OSTC: variants seen among roughly 807,000 people sequenced by gnomAD.
OSTC encodes oligosaccharyltransferase complex subunit OSTC.
In OSTC, 16 loss-of-function variants were observed where a neutral mutation model predicts 16.4. That is an observed-to-expected ratio of 0.98 (90% confidence interval 0.66 to 1.49). The LOEUF is 1.49. Ranked by LOEUF, OSTC falls within the 40% of genes most tolerant of loss-of-function variation. The pLI is 0.00. For missense variants in OSTC, 139 were observed against 186.3 expected (o/e 0.75, Z 1.48); for synonymous variants, 67 against 68.5 (o/e 0.98, Z 0.11).
At chr4:108,653,356 A>G (rs749719517) in intron 1 of OSTC, among the ~76,000 whole-genome samples, 2 of 152,256 alleles carry the variant, frequency 1.3e-5, no homozygotes, top group Non-Finnish European at 2.9e-5. Flanking sequence ...TGAGGAAATG[A>G]TATGTAAGCC....
intron 3 of OSTC, among the ~76,000 whole-genome samples, chr4:108,658,007 C>CTGCAACCT (rs1560623721): frequency 2.1e-5 from 3 of 142,524 alleles, no homozygotes; most frequent in African/African-American, 7.9e-5. Flanking sequence ...TCTTGGCTCA[C>CTGCAACCT]TGCAACCTCT....
At chr4:108,660,483 T>C (rs370339544) in intron 3 of OSTC, among the ~76,000 whole-genome samples, 1 of 152,188 alleles carries the variant, frequency 6.6e-6, no homozygotes, top group East Asian at 1.9e-4. Context: ...TGTTGGCCTG[T>C]ATTACACACA....
chr4:108,662,249 T>C (rs559336912), intron 3 of OSTC, among the ~76,000 whole-genome samples: 1 of 152,332 alleles, frequency 6.6e-6, no homozygotes, highest in East Asian at 1.9e-4. Flanking sequence ...ATGAATGTAA[T>C]AATATTTAAA....
At chr4:108,653,223 C>G (rs751654067) in intron 1 of OSTC, among the ~76,000 whole-genome samples, 7 of 152,130 alleles carry the variant, frequency 4.6e-5, no homozygotes, top group Non-Finnish European at 1.0e-4. Context: ...AGACCCGACC[C>G]TCTCTCAAAA....
rs766585998 is a variant in OSTC at position 108,658,971 on chromosome 4, C to CTTTTTTTT, written c.431+1342_431+1349dup. Among the ~76,000 whole-genome samples the CTTTTTTTT allele has an allele frequency of 2.1e-4, 18 of 83,894 alleles. 1 individual carries two copies. Among genetic ancestry groups the CTTTTTTTT allele is most frequent in the African/African-American group, 6.4e-4 (12 of 18,886 alleles). The allele number at this position is 83,894 out of a possible 152,430, so 55.0% of individuals were successfully genotyped here. A position where few individuals can be genotyped will look rare whatever the true frequency, so the allele number is the denominator to read the frequency against. ...TGCTCAGTTTCCTCTGGCAGCAGCT[C>CTTTTTTTT]TTTTTTTTTTTTTTTTTTTTTTTTT... On this transcript the variant is annotated intron_variant, in intron 3 of 3. Transcript: ENST00000361564.
rs565975123 is a variant in OSTC at position 108,658,379 on chromosome 4, G to A, written c.431+732G>A. Among the ~76,000 whole-genome samples, 5 of 151,958 alleles carry A rather than the reference G, an allele frequency of 3.3e-5. No individual in the cohort carries two copies. In the South Asian group the frequency reaches 1.0e-3, roughly 32 times the overall value. ...ACCCATTATGCCTTGTAAGGGAAAA[G>A]AGAGTTATTGCCCTTCAAAAAGATA... On this transcript the variant is annotated intron_variant, in intron 3 of 3. Transcript: ENST00000361564.
chr4:108,655,768 C>T, intron 2 of OSTC, 111 bp downstream of exon 2: 1 of 718,950 alleles, frequency 1.4e-6, no homozygotes, highest in Non-Finnish European at 2.3e-6. Context: ...ATTTAGACAA[C>T]AGCTGTTTTA....
At chr4:108,662,476 C>A (rs1578342155) in intron 3 of OSTC, among the ~76,000 whole-genome samples, 1 of 152,326 alleles carries the variant, frequency 6.6e-6, no homozygotes, top group South Asian at 2.1e-4. Flanking sequence ...TTAACCTTCT[C>A]CACTGAGGTC....
At chr4:108,656,837 C>T (rs1244782555) in intron 2 of OSTC, among the ~76,000 whole-genome samples, 2 of 152,150 alleles carry the variant, frequency 1.3e-5, no homozygotes, top group African/African-American at 2.4e-5. Context: ...CAGTGGCTCA[C>T]GCCTGTAATC....
In OSTC at chr4:108,660,036, A is replaced by G. The variant is rs1235778247; in HGVS notation, c.431+2389A>G. ...TAATAGAGCTATCTGCTACTGACAGAAAAGCTTTGACAAGTGTTTAATACT... is the reference window on the plus strand; with the variant it reads ...TAATAGAGCTATCTGCTACTGACAGGAAAGCTTTGACAAGTGTTTAATACT... On this transcript the variant is annotated intron_variant, in intron 3 of 3. Coordinates refer to ENST00000361564, the MANE Select transcript of OSTC (RefSeq NM_021227.4). 2.6e-5 allele frequency among the ~76,000 whole-genome samples: 4 copies of G among 152,224 alleles called. No individual in the cohort carries two copies. In the East Asian group the frequency reaches 5.8e-4, roughly 22 times the overall value.
At chr4:108,651,472 A>T (rs893848785) in intron 1 of OSTC, 2 of 152,370 alleles carry the variant, frequency 1.3e-5, no homozygotes, top group African/African-American at 4.8e-5. Flanking sequence ...TAGCATTACT[A>T]TTAAACGCTT....
intron 3 of OSTC, 103 bp downstream of exon 3, chr4:108,657,750 G>T: frequency 9.2e-7 from 1 of 1,085,018 alleles, no homozygotes; most frequent in Non-Finnish European, 1.3e-6. Flanking sequence ...CATTTACATG[G>T]GTGAAAAATC....
In OSTC at chr4:108,655,663, A is replaced by C; in HGVS notation, c.233+6A>C. 1.3e-6 allele frequency: 2 copies of C among 1,583,680 alleles called. No homozygotes were observed. The highest frequency in any genetic ancestry group is 1.7e-6 in the Non-Finnish European group (2 of 1,153,246). ...GTAGCTTTCTTGGCCTACAGGTAAA[A>C]GATACCTTTTTGAATGATTTGGTGG... On this transcript the variant is annotated splice_donor_region_variant and intron_variant, in intron 2 of 3. Coordinates refer to ENST00000361564, the MANE Select transcript of OSTC (RefSeq NM_021227.4).
chr4:108,664,390 G>A (rs1223052367), intron 3 of OSTC, among the ~76,000 whole-genome samples: 1 of 151,924 alleles, frequency 6.6e-6, no homozygotes, highest in Non-Finnish European at 1.5e-5. Flanking sequence ...TTGTTTCATA[G>A]TGTAAGCTAG....
rs200078861 is a variant in OSTC, at chr4:108,650,613, C to T, written c.-43C>T. 27 of 1,607,156 alleles carry T rather than the reference C, an allele frequency of 1.7e-5. No homozygotes were observed. The East Asian group carries it at 4.5e-4, about 27-fold the overall frequency. The stretch of plus-strand genomic sequence containing the variant: ...GGAGGGCGGGCCTGTTTCCGGGAGG[C>T]GCGTGGGGCTTGAGGCCGAGAACGG... On this transcript the variant is annotated 5_prime_UTR_variant, in exon 1 of 4. Transcript: ENST00000361564.
chr4:108,653,835 C>T (rs764026228), intron 1 of OSTC, among the ~76,000 whole-genome samples: 1 of 152,134 alleles, frequency 6.6e-6, no homozygotes, highest in Non-Finnish European at 1.5e-5. Context: ...AGTCTCTGTT[C>T]TTGAGGAGCT....
chr4:108,657,568 T>G lies in OSTC; in HGVS notation c.352T>G (p.Phe118Val), dbSNP rs1726742527. Residue 118 changes from phenylalanine (F) to valine (V), a missense_variant, in exon 3 of 4, where the codon TTC becomes GTC. Physicochemically the swap from Phe to Val is conservative, Grantham distance 50 (BLOSUM62 -1). Transcript: ENST00000361564. ...NAPNIPKLNR[F>V]LLLFIGFVCV... ...ACCAAATATCCCAAAACTCAATAGA[T>G]TCCTTCTTCTGTTCATTGGATTCGT... 4 of 1,613,632 alleles carry G rather than the reference T, an allele frequency of 2.5e-6. No homozygotes were observed. In the African/African-American group the frequency reaches 5.3e-5, roughly 22 times the overall value.
intron 3 of OSTC, among the ~76,000 whole-genome samples, chr4:108,663,628 T>C (rs1007267027): frequency 6.7e-6 from 1 of 149,732 alleles, no homozygotes; most frequent in African/African-American, 2.4e-5. Context: ...TTTTCTGGCC[T>C]TGTGATTTTT....
At position 108,650,683 on chromosome 4, in the gene OSTC, T is replaced by G; in HGVS notation, c.28T>G (p.Leu10Val). METLYRVPF[L>V]VLECPNLKLK... ...GGAGACTTTGTACCGTGTCCCGTTCTTAGTGCTCGAATGTCCCAACCTGAA... is the reference window on the plus strand; with the variant it reads ...GGAGACTTTGTACCGTGTCCCGTTCGTAGTGCTCGAATGTCCCAACCTGAA... The change falls in exon 1 of 4, where the codon TTA (leucine) becomes GTA (valine). Residue 10 changes from leucine to valine, a missense_variant. Physicochemically the swap from Leu to Val is conservative, Grantham distance 32. Coordinates refer to ENST00000361564, the MANE Select transcript of OSTC (RefSeq NM_021227.4). 1 of 1,614,188 alleles carries G rather than the reference T, an allele frequency of 6.2e-7. No individual in the cohort carries two copies. Among genetic ancestry groups the G allele is most frequent in the South Asian group, 1.1e-5 (1 of 91,090 alleles).
Sources: allele counts gnomAD v4.1 joint callset (sites outside exome capture counted in the v4.1 genomes callset), GRCh38; gene constraint gnomAD v4.1.1; transcripts MANE v1.5; gene names NCBI Gene and HGNC (gene_info 2026-07-23, HGNC 2026-07-21).